The following PAQR5 variants were observed in gnomAD, a reference collection of about 807,000 sequenced individuals.
The protein encoded by PAQR5 is membrane progestin receptor gamma.
In PAQR5, 20 loss-of-function variants were observed where a neutral mutation model predicts 34.5. The ratio of observed to expected loss-of-function variants is 0.58; its 90% confidence interval spans 0.41 to 0.84. The LOEUF (loss-of-function observed/expected upper bound fraction) is 0.84, where lower values mean the gene tolerates loss of function less well. PAQR5 is among the 40% of genes least tolerant of loss of function. The pLI is 0.00. For synonymous variants in PAQR5, 131 were observed against 155.6 expected (o/e 0.84, Z 1.18); for missense variants, 378 against 412.7 (o/e 0.92, Z 0.73).
Position 69,322,760 on chromosome 15 carries a change from A to AG in PAQR5, c.-276-14580dup, listed in dbSNP as rs2054142033. Among the ~76,000 whole-genome samples, 2 of 42,110 alleles carry AG rather than the reference A, an allele frequency of 4.7e-5. 1 individual carries two copies. The highest frequency in any genetic ancestry group is 1.9e-3 in the East Asian group (2 of 1,036). 27.6% of individuals were successfully genotyped at this position (42,110 alleles called of 152,430 possible). ...AAGAAGAAGAAGAAGAAGAAGAAGAAGAAGAAGAAGAGGGAGAAGAAGAAG... is the reference window on the plus strand; with the variant it reads ...AAGAAGAAGAAGAAGAAGAAGAAGAAGGAAGAAGAAGAGGGAGAAGAAGAAG... On this transcript the variant is annotated intron_variant, in intron 1 of 8. Transcript: ENST00000395407.
Position 69,400,282 on chromosome 15 carries a change from C to A in PAQR5, c.751+167C>A, listed in dbSNP as rs138766193. Among the ~76,000 whole-genome samples, 413 of 152,300 alleles carry A rather than the reference C, an allele frequency of 2.7e-3. 2 individuals carry two copies. Among genetic ancestry groups the A allele is most frequent in the Non-Finnish European group, 2.5e-3 (167 of 68,026 alleles). ...GAGGTCAGGATGTCTGCAGCAGGTG[C>A]ATTGTTAGGTAGCATGGGCAGGATG... On this transcript the variant is annotated intron_variant, in intron 8 of 8. Coordinates refer to ENST00000395407, the MANE Select transcript of PAQR5 (RefSeq NM_017705.4).
At chr15:69,322,004 C>A (rs1022095591) in intron 1 of PAQR5, among the ~76,000 whole-genome samples, 2 of 152,082 alleles carry the variant, frequency 1.3e-5, no homozygotes, top group Admixed American at 6.6e-5. Flanking sequence ...CCCTAGAAAG[C>A]ATTATAGAGC....
intron 1 of PAQR5, among the ~76,000 whole-genome samples, chr15:69,328,113 G>T (rs185385523): frequency 1.3e-5 from 2 of 152,238 alleles, no homozygotes; most frequent in Non-Finnish European, 2.9e-5. Flanking sequence ...AATAGATCCA[G>T]GTCCTGTCAT....
intron 2 of PAQR5, among the ~76,000 whole-genome samples, chr15:69,343,903 C>A (rs2054701615): frequency 6.6e-6 from 1 of 152,188 alleles, no homozygotes; most frequent in African/African-American, 2.4e-5. Flanking sequence ...GCTGAGCAAG[C>A]AGACAGATAA....
chr15:69,388,844 G>A (rs2056180855), intron 5 of PAQR5, among the ~76,000 whole-genome samples: 1 of 152,222 alleles, frequency 6.6e-6, no homozygotes, highest in Non-Finnish European at 1.5e-5. Context: ...GGTGACCTAG[G>A]CATGGCCATC....
intron 3 of PAQR5, among the ~76,000 whole-genome samples, chr15:69,370,875 C>T (rs1383568492): frequency 1.3e-5 from 2 of 152,040 alleles, no homozygotes; most frequent in Non-Finnish European, 2.9e-5. Flanking sequence ...TTTTATATAG[C>T]TAAAGTCAGC....
chr15:69,348,320 G>T (rs147321148), intron 2 of PAQR5, among the ~76,000 whole-genome samples: 3 of 152,304 alleles, frequency 2.0e-5, no homozygotes, highest in African/African-American at 4.8e-5. Flanking sequence ...AAAGTACTGC[G>T]ATTTTAATTT....
chr15:69,363,610 T>A, intron 3 of PAQR5, among the ~76,000 whole-genome samples: 1 of 142,418 alleles, frequency 7.0e-6, no homozygotes, highest in East Asian at 2.3e-4. Flanking sequence ...GCAGTGGCAC[T>A]ATCATGACTC....
Position 69,379,889 on chromosome 15 carries a change from C to T in PAQR5, c.58C>T (p.His20Tyr). The change falls in exon 4 of 9, where the codon CAT becomes TAT. Residue 20 changes from histidine (H) to tyrosine (Y), a missense_variant. His to Tyr is a moderately conservative substitution (Grantham distance 83). Transcript: ENST00000395407. ...TTTTCCTTTGCCTCTGCAGGTGTTC[C>T]ATGAGCAAGGCATCCTGTTCGGCTA... Reference protein sequence around the residue: ...FSIDQIPQVFHEQGILFGYRH... With the variant: ...FSIDQIPQVFYEQGILFGYRH... 2 of 1,613,782 alleles carry T rather than the reference C, an allele frequency of 1.2e-6. No homozygotes were observed. Among genetic ancestry groups the T allele is most frequent in the Non-Finnish European group, 1.7e-6 (2 of 1,179,932 alleles).
At chr15:69,378,566 A>G (rs2055789286) in intron 3 of PAQR5, among the ~76,000 whole-genome samples, 1 of 151,988 alleles carries the variant, frequency 6.6e-6, no homozygotes, top group Non-Finnish European at 1.5e-5. Context: ...GGGTGGCTAG[A>G]TTGAAGTTCC....
chr15:69,379,797 A>G (rs1268557138), intron 3 of PAQR5, 86 bp from the exon 4 acceptor site: 24 of 1,499,298 alleles, frequency 1.6e-5, no homozygotes, highest in Non-Finnish European at 2.2e-5. Flanking sequence ...CCAGGCACAC[A>G]GAGCACGGCC....
Position 69,385,855 on chromosome 15 carries a change from G to GCA in PAQR5, c.385+985_385+986dup, listed in dbSNP as rs150255038. Among the ~76,000 whole-genome samples, 2 of 149,450 alleles carry GCA rather than the reference G, an allele frequency of 1.3e-5. No homozygotes were observed. The highest frequency in any genetic ancestry group is 2.5e-5 in the African/African-American group (1 of 40,514). ...CCACATATACACAATACACTTACAT[G>GCA]CACACACACACACCACATGCCACAT... On this transcript the variant is annotated intron_variant, in intron 5 of 8. Coordinates refer to ENST00000395407, the MANE Select transcript of PAQR5 (RefSeq NM_017705.4). This position sits in a 1 kb window ranked among gnomAD's most constrained non-coding sequence, Gnocchi z 4.7.
chr15:69,397,428 T>C, intron 6 of PAQR5, 40 bp from the exon 7 acceptor site: 1 of 1,391,376 alleles, frequency 7.2e-7, no homozygotes, highest in East Asian at 2.3e-5. Context: ...CTGAGACTCT[T>C]TTCATTCCAT....
intron 1 of PAQR5, among the ~76,000 whole-genome samples, chr15:69,309,857 T>G (rs1459146216): frequency 6.6e-6 from 1 of 152,032 alleles, no homozygotes; most frequent in Non-Finnish European, 1.5e-5. Flanking sequence ...GAGACCAGCC[T>G]GGACAACAAG....
At chr15:69,378,360 C>A (rs1309464999) in intron 3 of PAQR5, among the ~76,000 whole-genome samples, 1 of 142,660 alleles carries the variant, frequency 7.0e-6, no homozygotes, top group Admixed American at 7.3e-5. Context: ...ATCATTTGAG[C>A]CAGGAGTTTG....
intron 1 of PAQR5, among the ~76,000 whole-genome samples, chr15:69,331,761 A>C (rs750492597): frequency 6.6e-6 from 1 of 152,158 alleles, no homozygotes; most frequent in African/African-American, 2.4e-5. Flanking sequence ...TACCAGACTT[A>C]TATTGGGTGC....
chr15:69,382,190 C>A (rs185467280), intron 4 of PAQR5, among the ~76,000 whole-genome samples: 2 of 152,058 alleles, frequency 1.3e-5, no homozygotes, highest in East Asian at 1.9e-4. Context: ...ATTTGAGGAG[C>A]CTTCCTACAA....
chr15:69,366,436 G>A (rs2055404603), intron 3 of PAQR5, among the ~76,000 whole-genome samples: 2 of 152,182 alleles, frequency 1.3e-5, no homozygotes, highest in Admixed American at 6.5e-5. Flanking sequence ...TCATTTAGGT[G>A]GACAAGTTGT....
intron 2 of PAQR5, among the ~76,000 whole-genome samples, chr15:69,349,323 C>T (rs182736015): frequency 1.5e-4 from 23 of 152,294 alleles, no homozygotes; most frequent in Middle Eastern, 3.4e-3. Context: ...TGCAACCAGG[C>T]GTGAGTCCCA....
Sources: allele counts gnomAD v4.1 joint callset (sites outside exome capture counted in the v4.1 genomes callset), GRCh38; gene constraint gnomAD v4.1.1; non-coding constraint Gnocchi (gnomAD v3.1); transcripts MANE v1.5; gene names NCBI Gene and HGNC (gene_info 2026-07-23, HGNC 2026-07-21).